CASP9: variants seen among roughly 807,000 people sequenced by gnomAD.
CASP9 encodes the protein caspase-9.
Under a neutral mutation model 43.5 loss-of-function variants are expected in CASP9, and 29 were observed. That is an observed-to-expected ratio of 0.67 (90% confidence interval 0.50 to 0.91). The LOEUF (loss-of-function observed/expected upper bound fraction) is 0.91. Among genes scored for constraint, CASP9 ranks in the 40% least tolerant of loss-of-function variants. The pLI is 0.00. For synonymous variants in CASP9, 206 were observed against 211.9 expected, an observed-to-expected ratio of 0.97 and a Z score of 0.24; for missense variants, 575 against 537.4, an observed-to-expected ratio of 1.07 and a Z score of -0.69.
chr1:15,501,035 G>C (rs1709310316), intron 6 of CASP9, among the ~76,000 whole-genome samples: 1 of 152,196 alleles, frequency 6.6e-6, no homozygotes, highest in South Asian at 2.1e-4. Context: ...TCGGTTCTTA[G>C]AGAGCCTCAT....
chr1:15,514,006 A>G (rs576306756), intron 2 of CASP9, among the ~76,000 whole-genome samples: 1 of 152,212 alleles, frequency 6.6e-6, no homozygotes, highest in East Asian at 1.9e-4. Context: ...TTGACAACTC[A>G]ATAAAACTGA....
At chr1:15,506,364 G>A (rs1415602594) in intron 4 of CASP9, among the ~76,000 whole-genome samples, 1 of 152,156 alleles carries the variant, frequency 6.6e-6, no homozygotes, top group Non-Finnish European at 1.5e-5. Flanking sequence ...GCTGAGGCAG[G>A]AGAATTGCTT....
chr1:15,518,875 T>A (rs145174341), intron 1 of CASP9, among the ~76,000 whole-genome samples: 2 of 24,790 alleles, frequency 8.1e-5, no homozygotes, highest in Non-Finnish European at 1.5e-4. Context: ...TTTGTTTTTG[T>A]TTTTTTTTTT....
At chr1:15,499,531 G>A (rs1317109090) in intron 6 of CASP9, among the ~76,000 whole-genome samples, 1 of 152,218 alleles carries the variant, frequency 6.6e-6, no homozygotes, top group Admixed American at 6.5e-5. Context: ...CCATGGAGAT[G>A]TTTACACCTT....
intron 2 of CASP9, among the ~76,000 whole-genome samples, chr1:15,508,930 AC>A (rs1466002070): frequency 6.6e-6 from 1 of 152,210 alleles, no homozygotes; most frequent in African/African-American, 2.4e-5. Flanking sequence ...CAGGTAGAGA[AC>A]CCATCTGCAT....
Position 15,518,127 on chromosome 1 carries a change from C to G in CASP9, c.401G>C (p.Gly134Ala), listed in dbSNP as rs200277520. 95 of 1,614,078 alleles carry G rather than the reference C, an allele frequency of 5.9e-5. No homozygotes were observed. The highest frequency in any genetic ancestry group is 7.7e-5 in the Non-Finnish European group (91 of 1,180,028). The change falls in exon 2 of 9, where the codon GGA becomes GCA. Residue 134 changes from glycine (G) to alanine (A), a missense_variant. Transcript: ENST00000333868. ...ETPRPVDIGSGGFGDVGALES... is the reference protein window; with the variant it reads ...ETPRPVDIGSAGFGDVGALES... ...CTACTTACCGACATCACCAAATCCT[C>G]CAGAACCAATGTCCACTGGTCTGGG...
chr1:15,510,054 C>T (rs894430835), intron 2 of CASP9, among the ~76,000 whole-genome samples: 2 of 152,122 alleles, frequency 1.3e-5, no homozygotes, highest in African/African-American at 4.8e-5. Context: ...CCTCAGCCTC[C>T]CAAGTAGCTG....
chr1:15,506,572 G>A (rs1319580423), intron 4 of CASP9, among the ~76,000 whole-genome samples: 1 of 152,062 alleles, frequency 6.6e-6, no homozygotes, highest in Non-Finnish European at 1.5e-5. Context: ...AGTCGTAATA[G>A]CCACCATTTT....
intron 8 of CASP9, 79 bp downstream of exon 8, chr1:15,493,813 C>G: frequency 6.8e-7 from 1 of 1,472,722 alleles, no homozygotes; most frequent in Non-Finnish European, 8.9e-7. Context: ...GCCCTGCTCA[C>G]CCCAAATCCC....
intron 6 of CASP9, among the ~76,000 whole-genome samples, chr1:15,501,420 A>G (rs1477331818): frequency 6.6e-6 from 1 of 151,858 alleles, no homozygotes; most frequent in African/African-American, 2.4e-5. Flanking sequence ...TAATTATTAA[A>G]TGATTTTTAA....
intron 6 of CASP9, among the ~76,000 whole-genome samples, 154 bp from the exon 7 acceptor site, chr1:15,495,606 G>C (rs956063265): frequency 1.3e-5 from 2 of 152,136 alleles, no homozygotes; most frequent in African/African-American, 4.8e-5. Context: ...GAAAAGTCAA[G>C]CTGGGAACTG....
At chr1:15,495,233 A>AC in intron 7 of CASP9, 40 bp downstream of exon 7, 3 of 1,576,284 alleles carry the variant, frequency 1.9e-6, no homozygotes, top group Non-Finnish European at 2.6e-6. Flanking sequence ...AGACGGGAAG[A>AC]CCCACTGGCT....
chr1:15,509,806 G>A (rs1421360105), intron 2 of CASP9, among the ~76,000 whole-genome samples: 1 of 152,186 alleles, frequency 6.6e-6, no homozygotes, highest in East Asian at 1.9e-4. Context: ...GCACACAGCA[G>A]GTCCTCAGGA....
Position 15,492,973 on chromosome 1 carries a change from G to A in CASP9, c.1221C>T (p.Leu407=), listed in dbSNP as rs1570818570. The A allele has an allele frequency of 6.2e-7, 1 of 1,614,048 alleles. No individual in the cohort carries two copies. Among genetic ancestry groups the A allele is most frequent in the African/African-American group, 1.3e-5 (1 of 75,044 alleles). The change falls in exon 9 of 9, where the codon CTC becomes CTT. Residue 407 remains leucine, a synonymous_variant. Coordinates refer to ENST00000333868, the MANE Select transcript of CASP9 (RefSeq NM_001229.5). ...YKQMPGCFNF[L]RKKLFFKTS ...ATGTTTTAAAGAAAAGTTTTTTCCG[G>A]AGGAAATTAAAGCAACCAGGCATCT... is the stretch of plus-strand genomic sequence containing the variant.
rs1368144789 is a variant in CASP9, at chr1:15,524,195, G to A, written c.6C>T (p.Asp2=). The change falls in exon 1 of 9, where the codon GAC becomes GAT. Residue 2 remains aspartate (D), a synonymous_variant. Coordinates refer to ENST00000333868, the MANE Select transcript of CASP9 (RefSeq NM_001229.5). ...GCCGCAGGAGCCGCCGATCCGCTTC[G>A]TCCATGGCGAGTAGCCAACTAAGAC... M[D]EADRRLLRRC... The A allele has an allele frequency of 1.9e-6, 3 of 1,545,012 alleles. No homozygotes were observed. Among genetic ancestry groups the A allele is most frequent in the South Asian group, 1.2e-5 (1 of 84,356 alleles).
At chr1:15,503,928 A>G (rs1482057828) in intron 6 of CASP9, among the ~76,000 whole-genome samples, 1 of 152,198 alleles carries the variant, frequency 6.6e-6, no homozygotes, top group Non-Finnish European at 1.5e-5. Flanking sequence ...CTTTTTTTAT[A>G]AGAAAATCAG....
At chr1:15,515,052 G>C (rs1447153401) in intron 2 of CASP9, among the ~76,000 whole-genome samples, 1 of 152,046 alleles carries the variant, frequency 6.6e-6, no homozygotes, top group African/African-American at 2.4e-5. Flanking sequence ...TCTTACTATT[G>C]CTGTTGTTAT....
chr1:15,523,781 G>C (rs1710310619), intron 1 of CASP9, among the ~76,000 whole-genome samples: 2 of 152,172 alleles, frequency 1.3e-5, no homozygotes, highest in Admixed American at 1.3e-4. Context: ...CAACACTAAA[G>C]CTCTTTCAGT....
rs200300402 is a variant in CASP9 at position 15,495,383 on chromosome 1, T to G, written c.938A>C (p.Glu313Ala). 10 of 1,608,726 alleles carry G rather than the reference T, an allele frequency of 6.2e-6. No individual in the cohort carries two copies. The African/African-American group carries it at 1.2e-4, about 19-fold the overall frequency. The change falls in exon 7 of 9, where the codon GAG (glutamate) becomes GCG (alanine). Residue 313 changes from glutamate (E) to alanine (A), a missense_variant. Transcript: ENST00000333868. ...TTCCTGGAACGGGGTGGCATCTGGCTCGGGGTTACTGCCAGGGGACTCGTC... is the reference window on the plus strand; with the variant it reads ...TTCCTGGAACGGGGTGGCATCTGGCGCGGGGTTACTGCCAGGGGACTCGTC... ...PEDESPGSNP[E>A]PDATPFQEGL...
Sources: allele counts gnomAD v4.1 joint callset (sites outside exome capture counted in the v4.1 genomes callset), GRCh38; gene constraint gnomAD v4.1.1; transcripts MANE v1.5; gene names NCBI Gene and HGNC (gene_info 2026-07-23, HGNC 2026-07-21).